The following NLGN2 variants were observed in gnomAD, a reference collection of about 807,000 sequenced individuals.
NLGN2 encodes neuroligin 2.
A neutral mutation model predicts 48.6 loss-of-function variants in NLGN2; 11 were observed. The ratio of observed to expected loss-of-function variants is 0.23; its 90% CI spans 0.14 to 0.37. The LOEUF (loss-of-function observed/expected upper bound fraction) is 0.37, where lower values mean the gene tolerates loss of function less well. NLGN2 is among the 10% of genes least tolerant of loss of function. The probability of loss-of-function intolerance (pLI) is 1.00; values close to 1 mark genes in which losing one functional copy is unlikely to be tolerated. For synonymous variants in NLGN2, 548 were observed against 550.0 expected, an observed-to-expected ratio of 1.00 and a Z score of 0.05; for missense variants, 801 against 1,225.2, an observed-to-expected ratio of 0.65 and a Z score of 5.17.
In NLGN2 at chr17:7,414,723, A is replaced by AG; in HGVS notation, c.721dup (p.Ala241GlyfsTer7). 6.2e-7 allele frequency: 1 copy of AG among 1,614,216 alleles called. No individual in the cohort carries two copies. Among genetic ancestry groups the AG allele is most frequent in the Non-Finnish European group, 8.5e-7 (1 of 1,180,032 alleles). On this transcript the variant is annotated frameshift_variant, in exon 4 of 7. Transcript: ENST00000302926. LOFTEE classifies it high-confidence loss of function. ...AACTATGGGCTCCTGGACCAGATCCAGGCCCTGCGCTGGCTCAGTGAAAAC... is the reference window on the plus strand; with the variant it reads ...AACTATGGGCTCCTGGACCAGATCCAGGGCCCTGCGCTGGCTCAGTGAAAAC...
chr17:7,417,902 C>T lies in NLGN2; in HGVS notation c.*103C>T. On this transcript the variant is annotated 3_prime_UTR_variant, in exon 7 of 7. Transcript: ENST00000302926. ...TGGCTTTTCTCCTGTGGAGTCGTCA[C>T]ACGCCATCCAGCAGCGCTAAGGTGG... 1 of 1,120,320 alleles carries T rather than the reference C, an allele frequency of 8.9e-7. No individual in the cohort carries two copies. Among genetic ancestry groups the T allele is most frequent in the Non-Finnish European group, 1.2e-6 (1 of 863,784 alleles). The allele number at this position is 1,120,320 out of a possible 1,614,324, so 69.4% of individuals were successfully genotyped here.
At position 7,415,506 on chromosome 17, in the gene NLGN2, C is replaced by T. The variant is rs779655011; in HGVS notation, c.1038-5C>T. The T allele has an allele frequency of 5.0e-5, 81 of 1,613,438 alleles. No individual in the cohort carries two copies. The Admixed American group carries it at 1.3e-3, about 27-fold the overall frequency. On this transcript the variant is annotated splice_region_variant and splice_polypyrimidine_tract_variant and intron_variant, in intron 5 of 6. Coordinates refer to ENST00000302926, the MANE Select transcript of NLGN2 (RefSeq NM_020795.4). ...GGTGGTGAGACCCTGACCCCTTCTCCCCAGCTACCACATCGCCTTTGGGCC... is the reference window on the plus strand; with the variant it reads ...GGTGGTGAGACCCTGACCCCTTCTCTCCAGCTACCACATCGCCTTTGGGCC...
At chr17:7,414,528 A>G (rs749293114) in intron 3 of NLGN2, 35 bp downstream of exon 3, 4 of 1,611,386 alleles carry the variant, frequency 2.5e-6, no homozygotes, top group Admixed American at 1.7e-5. Context: ...GGCTCGGGGG[A>G]GTCTGGGAGG....
At position 7,408,349 on chromosome 17, in the gene NLGN2, GGCCTCGGCA is replaced by G; in HGVS notation, c.103_111del (p.Ser35_Gly37del). 1 of 1,482,068 alleles carries G rather than the reference GGCCTCGGCA, an allele frequency of 6.7e-7. No homozygotes were observed. The highest frequency in any genetic ancestry group is 8.9e-7 in the Non-Finnish European group (1 of 1,119,580). 91.8% of individuals were successfully genotyped at this position (1,482,068 alleles called of 1,614,324 possible). A position where few individuals can be genotyped will look rare whatever the true frequency, so the allele number is the denominator to read the frequency against. On this transcript the variant is annotated inframe_deletion, in exon 1 of 7. Transcript: ENST00000302926. This position sits in a 1 kb window ranked among gnomAD's most constrained non-coding sequence, Gnocchi z 7.5. ...CGGCGCCCCGGGCGGCCCCGGCCTG[GGCCTCGGCA>G]GCCTCGGCGAGGAGCGCTTCCCGGT...
rs74702014 is a variant in NLGN2 at position 7,411,224 on chromosome 17, G to A, written c.458-933G>A. ...TGTGGACTGAACCACCCGCTCGGCC[G>A]TTGGGGAAGGGGTGCTTTTTGGCAG... On this transcript the variant is annotated intron_variant, in intron 1 of 6. Coordinates refer to ENST00000302926, the MANE Select transcript of NLGN2 (RefSeq NM_020795.4). The surrounding 1 kb of genome is among the most constrained non-coding windows in gnomAD (Gnocchi z 4.5). Among the ~76,000 whole-genome samples the A allele has an allele frequency of 0.027, 4,094 of 152,340 alleles. 105 individuals are homozygous for A. The highest frequency in any genetic ancestry group is 0.039 in the Non-Finnish European group (2,656 of 68,034).
chr17:7,410,338 G>A (rs1236752453), intron 1 of NLGN2, among the ~76,000 whole-genome samples: 1 of 151,524 alleles, frequency 6.6e-6, no homozygotes, highest in Non-Finnish European at 1.5e-5. Context: ...AATGCACAGA[G>A]CGTCATCTAC....
chr17:7,416,571 G>T (rs558312276), intron 6 of NLGN2, among the ~76,000 whole-genome samples: 2 of 152,116 alleles, frequency 1.3e-5, no homozygotes, highest in Non-Finnish European at 2.9e-5. Flanking sequence ...CAGCCTGGCT[G>T]TGTATCTGTC....
intron 2 of NLGN2, 131 bp from the exon 3 acceptor site, chr17:7,414,213 A>T (rs181511967): frequency 1.6e-4 from 124 of 774,614 alleles, no homozygotes; most frequent in Non-Finnish European, 2.8e-5. Flanking sequence ...CCCCCCAGGG[A>T]TGGGAGTGAC....
rs1021766477 is a variant in NLGN2, at chr17:7,419,690, A to AG, written c.*1897dup. 4.6e-5 allele frequency: 7 copies of AG among 152,340 alleles called. No homozygotes were observed. Among genetic ancestry groups the AG allele is most frequent in the African/African-American group, 1.7e-4 (7 of 41,414 alleles). 9.4% of individuals were successfully genotyped at this position (152,340 alleles called of 1,614,324 possible). ...GATGCCCTCAGAATTGGGGCATGGG[A>AG]GGGGGGCTGGGGGACCCCATGATTC... On this transcript the variant is annotated 3_prime_UTR_variant, in exon 7 of 7. Transcript: ENST00000302926.
intron 1 of NLGN2, among the ~76,000 whole-genome samples, chr17:7,410,698 G>A (rs1316091767): frequency 6.6e-6 from 1 of 152,074 alleles, no homozygotes; most frequent in Non-Finnish European, 1.5e-5. Context: ...CACCACCCTT[G>A]CCCACACCTT....
In NLGN2 at chr17:7,417,904, C is replaced by T. The variant is rs1001106501; in HGVS notation, c.*105C>T. The T allele has an allele frequency of 6.4e-6, 7 of 1,095,580 alleles. No individual in the cohort carries two copies. Among genetic ancestry groups the T allele is most frequent in the South Asian group, 3.0e-5 (1 of 32,808 alleles). The allele number at this position is 1,095,580 out of a possible 1,614,324, so 67.9% of individuals were successfully genotyped here. A position where few individuals can be genotyped will look rare whatever the true frequency, so the allele number is the denominator to read the frequency against. The stretch of plus-strand genomic sequence containing the variant: ...GCTTTTCTCCTGTGGAGTCGTCACA[C>T]GCCATCCAGCAGCGCTAAGGTGGAC... On this transcript the variant is annotated 3_prime_UTR_variant, in exon 7 of 7. Transcript: ENST00000302926.
Position 7,417,181 on chromosome 17 carries a change from G to A in NLGN2, c.1890G>A (p.Pro630=), listed in dbSNP as rs141186472. 1.9e-3 allele frequency: 3,063 copies of A among 1,577,218 alleles called. 47 individuals carry two copies. In the African/African-American group the frequency reaches 0.034, roughly 17 times the overall value. ...TRLPPYATRW[P]PRPPAGAPGT... is the part of the protein sequence containing the mutation. ...TGCCTCCCTACGCCACGCGCTGGCC[G>A]CCTCGTCCCCCCGCTGGCGCCCCGG... The change falls in exon 7 of 7, where the codon CCG becomes CCA. Residue 630 remains proline (P), a synonymous_variant. Transcript: ENST00000302926.
At position 7,408,094 on chromosome 17, in the gene NLGN2, C is replaced by T. The variant is rs889541631; in HGVS notation, c.-162C>T. The T allele has an allele frequency of 2.5e-6, 1 of 401,718 alleles. No individual in the cohort carries two copies. The highest frequency in any genetic ancestry group is 4.4e-6 in the Non-Finnish European group (1 of 229,632). The allele number at this position is 401,718 out of a possible 1,614,324, so 24.9% of individuals were successfully genotyped here. ...CCATGGAGAGGAACAGACCCCTTCT[C>T]TGTCCAGTCTAACCCAGGTCCCTCC... On this transcript the variant is annotated 5_prime_UTR_variant, in exon 1 of 7. Coordinates refer to ENST00000302926, the MANE Select transcript of NLGN2 (RefSeq NM_020795.4). This position sits in a 1 kb window ranked among gnomAD's most constrained non-coding sequence, Gnocchi z 7.5.
chr17:7,406,662 G>GGC (rs1555547605), upstream of NLGN2, among the ~76,000 whole-genome samples: 4 of 138,634 alleles, frequency 2.9e-5, no homozygotes, highest in Non-Finnish European at 6.4e-5. Context: ...GCGGGGGGGG[G>GGC]GCTTGCCGAA....
In NLGN2 at chr17:7,408,229, G is replaced by C; in HGVS notation, c.-27G>C. On this transcript the variant is annotated 5_prime_UTR_variant, in exon 1 of 7. Coordinates refer to ENST00000302926, the MANE Select transcript of NLGN2 (RefSeq NM_020795.4). This position sits in a 1 kb window ranked among gnomAD's most constrained non-coding sequence, Gnocchi z 7.5. ...TCTCTCCGAGGGGGGGGGGTCCCAGGGAGGGAGGGGGGGTCCCCCGATCAG... is the reference window on the plus strand; with the variant it reads ...TCTCTCCGAGGGGGGGGGGTCCCAGCGAGGGAGGGGGGGTCCCCCGATCAG... The C allele has an allele frequency of 8.3e-7, 1 of 1,207,862 alleles. No homozygotes were observed. The highest frequency in any genetic ancestry group is 1.1e-6 in the Non-Finnish European group (1 of 945,210). 74.8% of individuals were successfully genotyped at this position (1,207,862 alleles called of 1,614,324 possible).
rs111362648 is a variant in NLGN2, at chr17:7,413,137, A to C, written c.508+930A>C. Among the ~76,000 whole-genome samples, 1,471 of 152,266 alleles carry C rather than the reference A, an allele frequency of 9.7e-3. 19 individuals are homozygous for C. The highest frequency in any genetic ancestry group is 0.034 in the African/African-American group (1,412 of 41,552). On this transcript the variant is annotated intron_variant, in intron 2 of 6. Coordinates refer to ENST00000302926, the MANE Select transcript of NLGN2 (RefSeq NM_020795.4). The surrounding 1 kb of genome is among the most constrained non-coding windows in gnomAD (Gnocchi z 4.9). ...GTTCAGGAGCAAAGGAGAGGACAGGATTTGAGGAGAACCCAGCGAGGGTGC... is the reference window on the plus strand; with the variant it reads ...GTTCAGGAGCAAAGGAGAGGACAGGCTTTGAGGAGAACCCAGCGAGGGTGC...
chr17:7,404,808 C>CG (rs1198534515), upstream of NLGN2: 1 of 118,870 alleles, frequency 8.4e-6, no homozygotes, highest in East Asian at 1.9e-4. Context: ...CGGGTGCGAG[C>CG]GGGGGGTGCG....
Position 7,408,338 on chromosome 17 carries a change from G to T in NLGN2, c.83G>T (p.Gly28Val). Residue 28 changes from glycine to valine, a missense_variant, in exon 1 of 7, where the codon GGC (glycine) becomes GTC (valine). Gly to Val is a moderately radical substitution (Grantham distance 109). Around this residue, in one of 5 missense-constraint regions of NLGN2, gnomAD observed 164 missense variants for 186.2 expected, o/e 0.88. Coordinates refer to ENST00000302926, the MANE Select transcript of NLGN2 (RefSeq NM_020795.4). This position sits in a 1 kb window ranked among gnomAD's most constrained non-coding sequence, Gnocchi z 7.5. ...GGGPGGGAPG[G>V]PGLGLGSLGE... ...GGTCCCGGCGGCGGCGCCCCGGGCG[G>T]CCCCGGCCTGGGCCTCGGCAGCCTC... is the stretch of plus-strand genomic sequence containing the variant. 1 of 1,463,522 alleles carries T rather than the reference G, an allele frequency of 6.8e-7. No individual in the cohort carries two copies. Among genetic ancestry groups the T allele is most frequent in the Non-Finnish European group, 9.0e-7 (1 of 1,111,438 alleles). 90.7% of individuals were successfully genotyped at this position (1,463,522 alleles called of 1,614,324 possible). A position where few individuals can be genotyped will look rare whatever the true frequency, so the allele number is the denominator to read the frequency against.
rs1423073595 is a variant in NLGN2, at chr17:7,411,833, C to G, written c.458-324C>G. Among the ~76,000 whole-genome samples the G allele has an allele frequency of 6.6e-6, 1 of 151,866 alleles. No individual in the cohort carries two copies. The highest frequency in any genetic ancestry group is 2.4e-5 in the African/African-American group (1 of 41,316). ...GCAATTAGCAAACACATCGACAAGC[C>G]AAAACCTTTCCAGCCAAGTCGATAT... On this transcript the variant is annotated intron_variant, in intron 1 of 6. Coordinates refer to ENST00000302926, the MANE Select transcript of NLGN2 (RefSeq NM_020795.4). This position sits in a 1 kb window ranked among gnomAD's most constrained non-coding sequence, Gnocchi z 4.5.
Sources: gnomAD v4.1 joint callset for allele counts (sites outside exome capture counted in the v4.1 genomes callset) on GRCh38, gnomAD v4.1.1 for gene constraint, gnomAD v4.1.1 regional missense constraint, Gnocchi (gnomAD v3.1) non-coding constraint, MANE v1.5 for transcripts, NCBI Gene and HGNC (gene_info 2026-07-23, HGNC 2026-07-21) for gene names.